The following FAM168A variants were observed in gnomAD, a reference collection of about 807,000 sequenced individuals.
The protein encoded by FAM168A is family with sequence similarity 168 member A, also known as protein FAM168A.
FAM168A carries 3 observed loss-of-function variants against 28.5 expected under a neutral mutation model. The observed-to-expected ratio is 0.11, with a 90% confidence interval of 0.05 to 0.27. The LOEUF is 0.27. Among genes scored for constraint, FAM168A ranks in the 10% least tolerant of loss-of-function variants. FAM168A has a pLI of 1.00. For missense variants in FAM168A, 222 were observed against 311.5 expected (o/e 0.71, Z 2.16); for synonymous variants, 122 against 124.2 (o/e 0.98, Z 0.12).
chr11:73,409,687 T>C (rs758974385), intron 5 of FAM168A, 26 bp from the exon 6 acceptor site: 22 of 1,582,906 alleles, frequency 1.4e-5, no homozygotes, highest in South Asian at 4.6e-5. Context: ...TGAGGTCACA[T>C]AGGCATTTGG....
At chr11:73,407,671 C>T (rs762223445) in intron 6 of FAM168A, 28 bp from the exon 7 acceptor site, 1 of 1,570,676 alleles carries the variant, frequency 6.4e-7, no homozygotes, top group Non-Finnish European at 8.7e-7. Context: ...GAAGAGTAAC[C>T]TGACGAGGCT....
At chr11:73,453,244 A>G (rs1336614172) in intron 2 of FAM168A, among the ~76,000 whole-genome samples, 1 of 152,230 alleles carries the variant, frequency 6.6e-6, no homozygotes, top group African/African-American at 2.4e-5. Flanking sequence ...AGCTGTTATA[A>G]TAAACCCATC....
chr11:73,551,110 CAA>C (rs199595702), intron 1 of FAM168A, among the ~76,000 whole-genome samples: 6,261 of 76,954 alleles, frequency 0.081, 412 homozygotes, highest in African/African-American at 0.23. Context: ...GACTCTGTCT[CAA>C]AAAAAAAAAA....
At chr11:73,479,649 C>T (rs1308152790) in intron 1 of FAM168A, among the ~76,000 whole-genome samples, 5 of 152,122 alleles carry the variant, frequency 3.3e-5, no homozygotes, top group African/African-American at 1.2e-4. Flanking sequence ...TTTATGATCC[C>T]ACAGCTCTCT....
In FAM168A at chr11:73,412,552, A is replaced by T. The variant is rs1465593161; in HGVS notation, c.278-1016T>A. On this transcript the variant is annotated intron_variant, in intron 4 of 7. Transcript: ENST00000356467. The stretch of plus-strand genomic sequence containing the variant: ...AACAACACTGTCTCCTTTTAGAATC[A>T]CAAAATGGAATCGTTCTACGGAACC... Among the ~76,000 whole-genome samples, 3 of 152,248 alleles carry T rather than the reference A, an allele frequency of 2.0e-5. No homozygotes were observed. In the East Asian group the frequency reaches 5.8e-4, roughly 29 times the overall value.
At chr11:73,518,380 TA>T (rs1168280899) in intron 1 of FAM168A, among the ~76,000 whole-genome samples, 3 of 148,256 alleles carry the variant, frequency 2.0e-5, no homozygotes, top group Non-Finnish European at 4.4e-5. Flanking sequence ...TTTAAAATAT[TA>T]AAAAACATTA....
intron 1 of FAM168A, among the ~76,000 whole-genome samples, chr11:73,505,085 A>G (rs1855080949): frequency 1.3e-5 from 2 of 152,120 alleles, no homozygotes; most frequent in African/African-American, 4.8e-5. Flanking sequence ...ATACCTATGT[A>G]ACAAACCTGC....
chr11:73,569,825 A>AAAAT (rs111950693), intron 1 of FAM168A, among the ~76,000 whole-genome samples: 1,686 of 145,816 alleles, frequency 0.012, 16 homozygotes, highest in South Asian at 0.02. Flanking sequence ...CTCCACCTCA[A>AAAAT]AAATAAATAA....
At chr11:73,469,650 G>T (rs1867785836) in intron 1 of FAM168A, among the ~76,000 whole-genome samples, 2 of 152,162 alleles carry the variant, frequency 1.3e-5, no homozygotes, top group South Asian at 4.1e-4. Context: ...CATACGTAAT[G>T]TGTAGCCCTG....
rs1866433678 is a variant in FAM168A at position 73,402,669 on chromosome 11, G to C, written c.*4094C>G. ...AGGCTCTCAGGGATTAGGAAGCCAG[G>C]TGTGCAGGCTTACCAAGGACATGGG... On this transcript the variant is annotated 3_prime_UTR_variant, in exon 8 of 8. Transcript: ENST00000356467. 6.6e-6 allele frequency: 1 copy of C among 152,248 alleles called. No individual in the cohort carries two copies. The highest frequency in any genetic ancestry group is 1.5e-5 in the Non-Finnish European group (1 of 68,074). 9.4% of individuals were successfully genotyped at this position (152,248 alleles called of 1,614,324 possible).
chr11:73,452,398 T>C (rs1867447535), intron 2 of FAM168A: 1 of 152,494 alleles, frequency 6.6e-6, no homozygotes, highest in South Asian at 2.1e-4. Flanking sequence ...TGCCCTGTCC[T>C]TCCTGCCAAA....
chr11:73,458,736 G>A (rs1464272856), intron 2 of FAM168A, among the ~76,000 whole-genome samples: 3 of 152,030 alleles, frequency 2.0e-5, no homozygotes, highest in Admixed American at 6.5e-5. Context: ...TCAGACTCCC[G>A]AGTAGCTGGG....
At chr11:73,533,813 C>T (rs1386139929) in intron 1 of FAM168A, among the ~76,000 whole-genome samples, 1 of 152,080 alleles carries the variant, frequency 6.6e-6, no homozygotes, top group Non-Finnish European at 1.5e-5. Flanking sequence ...AAAATTCACT[C>T]AAAACAGTAA....
chr11:73,582,363 T>C (rs761925758), intron 1 of FAM168A, among the ~76,000 whole-genome samples: 1 of 151,410 alleles, frequency 6.6e-6, no homozygotes, highest in Non-Finnish European at 1.5e-5. Context: ...CTACTAAAAA[T>C]ACAAAAAAAA....
chr11:73,567,892 C>T (rs1470632492), intron 1 of FAM168A, among the ~76,000 whole-genome samples: 1 of 152,142 alleles, frequency 6.6e-6, no homozygotes, highest in Non-Finnish European at 1.5e-5. Context: ...GGAGCAGAAC[C>T]TCTGCCCACT....
At chr11:73,452,323 T>C (rs1469606596) in intron 2 of FAM168A, 1 of 152,316 alleles carries the variant, frequency 6.6e-6, no homozygotes, top group Non-Finnish European at 1.5e-5. Context: ...AAACCTCAAG[T>C]TATCCTGTCA....
At chr11:73,528,511 T>C (rs1163864230) in intron 1 of FAM168A, among the ~76,000 whole-genome samples, 1 of 152,140 alleles carries the variant, frequency 6.6e-6, no homozygotes, top group Non-Finnish European at 1.5e-5. Flanking sequence ...TATATATAAA[T>C]ATTGTACCTA....
Position 73,589,406 on chromosome 11 carries a change from A to C in FAM168A, c.-19+8517T>G, listed in dbSNP as rs578079314. On this transcript the variant is annotated intron_variant, in intron 1 of 7. Coordinates refer to ENST00000356467, the MANE Select transcript of FAM168A (RefSeq NM_015159.3). ...AAGTTTTGGTGTAACATGGGCGTCCAACCTTTTGGTTTCCCTGGGCTACAC... is the reference window on the plus strand; with the variant it reads ...AAGTTTTGGTGTAACATGGGCGTCCCACCTTTTGGTTTCCCTGGGCTACAC... Among the ~76,000 whole-genome samples the C allele has an allele frequency of 3.9e-4, 59 of 152,238 alleles. 1 individual carries two copies. Among genetic ancestry groups the C allele is most frequent in the Admixed American group, 2.6e-3 (39 of 15,294 alleles).
At chr11:73,536,452 C>G (rs1171729560) in intron 1 of FAM168A, among the ~76,000 whole-genome samples, 1 of 152,140 alleles carries the variant, frequency 6.6e-6, no homozygotes, top group Non-Finnish European at 1.5e-5. Context: ...CTGTGGGAGG[C>G]CGAAGTGGGC....
Sources: allele counts gnomAD v4.1 joint callset (sites outside exome capture counted in the v4.1 genomes callset), GRCh38; gene constraint gnomAD v4.1.1; transcripts MANE v1.5; gene names NCBI Gene and HGNC (gene_info 2026-07-23, HGNC 2026-07-21).